DLGAP1: variants seen among roughly 807,000 people sequenced by gnomAD.
The protein encoded by DLGAP1 is DLG associated protein 1.
DLGAP1 carries 11 observed loss-of-function variants against 90.8 expected under a neutral mutation model. That is an observed-to-expected ratio of 0.12 (90% CI 0.08 to 0.20). The LOEUF is 0.20. Ranked by LOEUF, DLGAP1 falls within the 10% of genes least tolerant of loss-of-function variation. The pLI, the probability that DLGAP1 is intolerant of heterozygous loss-of-function variation, is 1.00. For synonymous variants in DLGAP1, 558 were observed against 540.7 expected, an observed-to-expected ratio of 1.03 and a Z score of -0.44; for missense variants, 1,050 against 1,333.8, an observed-to-expected ratio of 0.79 and a Z score of 3.31.
intron 5 of DLGAP1, among the ~76,000 whole-genome samples, chr18:3,754,290 C>T (rs1158772509): frequency 1.3e-5 from 2 of 152,132 alleles, no homozygotes; most frequent in African/African-American, 2.4e-5. Context: ...GCATGAGCCA[C>T]CGTACTCAGC....
At chr18:3,731,961 G>A (rs192734395) in intron 6 of DLGAP1, among the ~76,000 whole-genome samples, 18 of 152,134 alleles carry the variant, frequency 1.2e-4, no homozygotes, top group African/African-American at 4.3e-4. Flanking sequence ...GTTTTATTGC[G>A]TTCACTTTTG....
chr18:4,361,239 C>G (rs2081624595), intron 1 of DLGAP1, among the ~76,000 whole-genome samples: 1 of 152,018 alleles, frequency 6.6e-6, no homozygotes, highest in African/African-American at 2.4e-5. Context: ...AAAAAATTAT[C>G]TCTTTTGAAG....
At chr18:3,519,172 A>G (rs541346276) in intron 10 of DLGAP1, among the ~76,000 whole-genome samples, 4 of 152,264 alleles carry the variant, frequency 2.6e-5, no homozygotes, top group South Asian at 2.1e-4. Flanking sequence ...TGCTCGGAAA[A>G]CAGACTCACT....
chr18:3,628,378 C>G (rs970177741), intron 7 of DLGAP1, among the ~76,000 whole-genome samples: 1 of 151,360 alleles, frequency 6.6e-6, no homozygotes, highest in African/African-American at 2.4e-5. Flanking sequence ...TCAGTAGAGA[C>G]GAGGTTTGAC....
At position 3,496,980 on chromosome 18, in the gene DLGAP1, T is replaced by C. The variant is rs1233447546; in HGVS notation, c.*2205A>G. ...TCTCTTTAAAATATCATGGGCTAAA[T>C]TAGTTTCCAAAGAAAATATTGTAGG... On this transcript the variant is annotated 3_prime_UTR_variant, in exon 13 of 13. Coordinates refer to ENST00000315677, the MANE Select transcript of DLGAP1 (RefSeq NM_004746.4). The C allele has an allele frequency of 1.3e-5, 2 of 152,218 alleles. No homozygotes were observed. The highest frequency in any genetic ancestry group is 2.4e-5 in the African/African-American group (1 of 41,452). 9.4% of individuals were successfully genotyped at this position (152,218 alleles called of 1,614,324 possible).
chr18:3,598,520 T>G (rs142023932), intron 7 of DLGAP1, among the ~76,000 whole-genome samples: 94 of 143,104 alleles, frequency 6.6e-4, no homozygotes, highest in African/African-American at 2.3e-3. Context: ...CAGGCTGGAG[T>G]GCAGTGTCAC....
chr18:3,741,291 C>T (rs573579320), intron 6 of DLGAP1, among the ~76,000 whole-genome samples: 43 of 134,806 alleles, frequency 3.2e-4, no homozygotes, highest in Non-Finnish European at 6.4e-5. Flanking sequence ...TCACCACCAC[C>T]ACCACCACCA....
intron 1 of DLGAP1, among the ~76,000 whole-genome samples, chr18:4,217,287 G>T (rs2077977821): frequency 6.6e-6 from 1 of 152,046 alleles, no homozygotes; most frequent in South Asian, 2.1e-4. Context: ...GTTCACCTAG[G>T]ATATCTTGGT....
At position 3,678,391 on chromosome 18, in the gene DLGAP1, C is replaced by G. The variant is rs568936936; in HGVS notation, c.1591+50744G>C. ...CCCATAGATTCTTTAAGACCCAGCT[C>G]AAATCACATCTCCTTCACGTTTTCT... On this transcript the variant is annotated intron_variant, in intron 7 of 12. Transcript: ENST00000315677. Among the ~76,000 whole-genome samples, 5 of 152,230 alleles carry G rather than the reference C, an allele frequency of 3.3e-5. No homozygotes were observed. In the East Asian group the frequency reaches 9.6e-4, roughly 29 times the overall value.
chr18:4,175,020 C>T (rs1226677820), intron 1 of DLGAP1, among the ~76,000 whole-genome samples: 2 of 152,114 alleles, frequency 1.3e-5, no homozygotes, highest in Non-Finnish European at 1.5e-5. Flanking sequence ...AATGGTTGAA[C>T]TAATTTACTT....
intron 1 of DLGAP1, among the ~76,000 whole-genome samples, chr18:4,274,383 T>A (rs2079361718): frequency 6.6e-6 from 1 of 152,236 alleles, no homozygotes; most frequent in African/African-American, 2.4e-5. Flanking sequence ...GTACTTTGTA[T>A]TATTTCTTTT....
intron 7 of DLGAP1, among the ~76,000 whole-genome samples, chr18:3,662,824 G>C (rs2059732687): frequency 6.6e-6 from 1 of 152,210 alleles, no homozygotes; most frequent in East Asian, 1.9e-4. Context: ...AATATCCCAA[G>C]CACTTATCCC....
At chr18:3,802,170 A>G (rs1238644128) in intron 5 of DLGAP1, among the ~76,000 whole-genome samples, 1 of 152,052 alleles carries the variant, frequency 6.6e-6, no homozygotes, top group Admixed American at 6.6e-5. Context: ...TTTTTAGTAG[A>G]GATGGGGTTT....
At chr18:3,862,783 T>C (rs935370310) in intron 4 of DLGAP1, among the ~76,000 whole-genome samples, 3 of 152,254 alleles carry the variant, frequency 2.0e-5, no homozygotes, top group South Asian at 4.1e-4. Context: ...GGTAAGTATT[T>C]TTGCAAATGA....
chr18:4,007,306 A>G (rs146313685), intron 2 of DLGAP1, among the ~76,000 whole-genome samples: 127 of 152,200 alleles, frequency 8.3e-4, no homozygotes, highest in African/African-American at 2.8e-3. Flanking sequence ...TTAAGGGAGC[A>G]TTTGAGTTCC....
chr18:3,748,072 T>C (rs1038370482), intron 5 of DLGAP1, among the ~76,000 whole-genome samples: 3 of 152,246 alleles, frequency 2.0e-5, no homozygotes, highest in Middle Eastern at 3.2e-3. Flanking sequence ...TTTCCAATGT[T>C]GGTCTAACGA....
intron 3 of DLGAP1, among the ~76,000 whole-genome samples, chr18:3,951,185 C>G (rs1157999407): frequency 1.3e-5 from 2 of 152,204 alleles, no homozygotes; most frequent in Non-Finnish European, 2.9e-5. Context: ...CATTAACATT[C>G]TAACCAGAAC....
intron 2 of DLGAP1, among the ~76,000 whole-genome samples, chr18:4,070,516 T>A (rs532086619): frequency 2.0e-4 from 11 of 54,604 alleles, no homozygotes; most frequent in South Asian, 1.9e-3. Context: ...AAAAGTATAT[T>A]TTTTTTGCAT....
chr18:4,426,831 T>G (rs1026917913), intron 1 of DLGAP1, among the ~76,000 whole-genome samples: 12 of 152,322 alleles, frequency 7.9e-5, no homozygotes, highest in Non-Finnish European at 1.6e-4. Context: ...AAAATGAGAT[T>G]GGGTCCCTTC....
Sources: gnomAD v4.1 joint callset for allele counts (sites outside exome capture counted in the v4.1 genomes callset) on GRCh38, gnomAD v4.1.1 for gene constraint, MANE v1.5 for transcripts, NCBI Gene and HGNC (gene_info 2026-07-23, HGNC 2026-07-21) for gene names.